NSUN6: variants seen among roughly 807,000 people sequenced by gnomAD.
NSUN6 encodes tRNA (cytosine(72)-C(5))-methyltransferase NSUN6.
In NSUN6, 64 loss-of-function variants were observed where a neutral mutation model predicts 58.0. That is an observed-to-expected ratio of 1.10 (90% CI 0.90 to 1.36). NSUN6 has a LOEUF of 1.36. NSUN6 is among the 40% of genes most tolerant of loss of function. NSUN6 has a pLI of 0.00. For synonymous variants in NSUN6, 231 were observed against 193.9 expected (o/e 1.19, Z -1.59); for missense variants, 701 against 550.1 (o/e 1.27, Z -2.74).
At chr10:18,569,100 C>T (rs1314463442) in intron 8 of NSUN6, among the ~76,000 whole-genome samples, 3 of 151,130 alleles carry the variant, frequency 2.0e-5, no homozygotes, top group Non-Finnish European at 4.4e-5. Context: ...TTCCACATTC[C>T]ATTCCATTCT....
intron 8 of NSUN6, among the ~76,000 whole-genome samples, chr10:18,560,030 G>C (rs2055364984): frequency 6.7e-6 from 1 of 149,558 alleles, no homozygotes; most frequent in Non-Finnish European, 1.5e-5. Flanking sequence ...ATGGAATGGA[G>C]ATTGAGCTGG....
chr10:18,574,399 C>T lies in NSUN6; in HGVS notation c.922+11550G>A, dbSNP rs564382861. Among the ~76,000 whole-genome samples, 25 of 152,124 alleles carry T rather than the reference C, an allele frequency of 1.6e-4. 2 individuals carry two copies. The South Asian group carries it at 4.6e-3, about 28-fold the overall frequency. ...CATAGACCACCGAAAATTCACTCAACCCAGCAGGTTTCCTAACAGGAAATC... is the reference window on the plus strand; with the variant it reads ...CATAGACCACCGAAAATTCACTCAATCCAGCAGGTTTCCTAACAGGAAATC... On this transcript the variant is annotated intron_variant, in intron 8 of 10. Transcript: ENST00000377304.
intron 6 of NSUN6, among the ~76,000 whole-genome samples, chr10:18,600,032 G>A (rs1329476521): frequency 1.3e-5 from 2 of 152,104 alleles, no homozygotes; most frequent in Non-Finnish European, 2.9e-5. Flanking sequence ...ACTTTACAAA[G>A]TATCTTTGGG....
intron 5 of NSUN6, among the ~76,000 whole-genome samples, chr10:18,613,065 A>C (rs371512546): frequency 2.6e-5 from 4 of 152,168 alleles, no homozygotes; most frequent in African/African-American, 9.7e-5. Flanking sequence ...AAAACTTCCA[A>C]CAGTATAACT....
rs377258585 is a variant in NSUN6 at position 18,615,666 on chromosome 10, C to T, written c.421+518G>A. Among the ~76,000 whole-genome samples the T allele has an allele frequency of 9.2e-5, 14 of 152,282 alleles. No individual in the cohort carries two copies. In the East Asian group the frequency reaches 1.2e-3, roughly 13 times the overall value. On this transcript the variant is annotated intron_variant, in intron 4 of 10. Coordinates refer to ENST00000377304, the MANE Select transcript of NSUN6 (RefSeq NM_182543.5). ...GGACACCATAACTGAGGCCCAGAGA[C>T]GGAATACGTTTTCTACAGATGAAAG...
At chr10:18,556,693 G>C (rs951313902) in intron 8 of NSUN6, among the ~76,000 whole-genome samples, 1 of 151,460 alleles carries the variant, frequency 6.6e-6, no homozygotes, top group Non-Finnish European at 1.5e-5. Context: ...AATGCGAATG[G>C]AATGGAAAGG....
rs576537592 is a variant in NSUN6 at position 18,552,616 on chromosome 10, T to G, written c.923-645A>C. Among the ~76,000 whole-genome samples the G allele has an allele frequency of 4.2e-4, 64 of 151,364 alleles. No individual in the cohort carries two copies. The Middle Eastern group carries it at 0.01, about 24-fold the overall frequency. ...CCTGCTACCAAGATTTCCATTCCAT[T>G]CCGCATTCCATTTCATTCCGCATTC... On this transcript the variant is annotated intron_variant, in intron 8 of 10. Transcript: ENST00000377304.
At chr10:18,585,897 G>A (rs2057112703) in intron 8 of NSUN6, 52 bp downstream of exon 8, 1 of 1,369,106 alleles carries the variant, frequency 7.3e-7, no homozygotes, top group East Asian at 2.3e-5. Context: ...CACACTGTAT[G>A]CCACAAATAT....
At chr10:18,601,263 G>GT (rs2057828108) in intron 6 of NSUN6, among the ~76,000 whole-genome samples, 1 of 151,914 alleles carries the variant, frequency 6.6e-6, no homozygotes, top group Admixed American at 6.6e-5. Context: ...CATGATTTGA[G>GT]TATCTTTTTC....
intron 3 of NSUN6, among the ~76,000 whole-genome samples, chr10:18,616,960 C>T (rs1473106409): frequency 6.6e-6 from 1 of 152,030 alleles, no homozygotes; most frequent in African/African-American, 2.4e-5. Flanking sequence ...ATTCCATGAT[C>T]GCCAATTCAT....
intron 3 of NSUN6, among the ~76,000 whole-genome samples, chr10:18,629,404 A>C (rs1449890612): frequency 6.6e-6 from 1 of 151,846 alleles, no homozygotes; most frequent in Non-Finnish European, 1.5e-5. Flanking sequence ...ACACATAACA[A>C]TATTAACTTT....
At position 18,648,603 on chromosome 10, in the gene NSUN6, C is replaced by T. The variant is rs138645480; in HGVS notation, c.118G>A (p.Glu40Lys). Residue 40 changes from glutamate to lysine, a missense_variant, in exon 2 of 11, where the codon GAA becomes AAA. Glu to Lys is a moderately conservative substitution (Grantham distance 56, BLOSUM62 1). Transcript: ENST00000377304. ...TGTGACAGGTGCTTTAACAAAGTTT[C>T]AAACTTCCTTTCTGCTTCTTGTTTA... ...LGKQEAERKF[E>K]TLLKHLSHPP... 185 of 1,607,992 alleles carry T rather than the reference C, an allele frequency of 1.2e-4. 1 individual carries two copies. Among genetic ancestry groups the T allele is most frequent in the South Asian group, 4.6e-4 (42 of 90,880 alleles).
intron 8 of NSUN6, among the ~76,000 whole-genome samples, chr10:18,582,617 A>G (rs2056955914): frequency 6.6e-6 from 1 of 152,198 alleles, no homozygotes; most frequent in Non-Finnish European, 1.5e-5. Flanking sequence ...ATGGTGGGGC[A>G]ACTTATGTCC....
chr10:18,613,090 TA>T (rs2058293453), intron 5 of NSUN6, among the ~76,000 whole-genome samples: 1 of 152,188 alleles, frequency 6.6e-6, no homozygotes, highest in Non-Finnish European at 1.5e-5. Context: ...AAATTGAGTT[TA>T]AAAACCAATT....
chr10:18,641,183 A>C (rs2059381568), intron 3 of NSUN6, among the ~76,000 whole-genome samples: 1 of 152,104 alleles, frequency 6.6e-6, no homozygotes, highest in African/African-American at 2.4e-5. Flanking sequence ...TAGTTTATTA[A>C]ACCACTGCTC....
chr10:18,622,652 T>G (rs544507674), intron 3 of NSUN6, among the ~76,000 whole-genome samples: 11 of 152,172 alleles, frequency 7.2e-5, no homozygotes, highest in African/African-American at 2.7e-4. Flanking sequence ...GAAGTTGCAG[T>G]GAGCAGAGAT....
At chr10:18,579,401 ACGT>A (rs1268009850) in intron 8 of NSUN6, among the ~76,000 whole-genome samples, 1 of 149,912 alleles carries the variant, frequency 6.7e-6, no homozygotes, top group East Asian at 2.0e-4. Context: ...TGATCTCCTG[ACGT>A]CGTGATCCAC....
At chr10:18,568,195 C>T (rs1564732757) in intron 8 of NSUN6, among the ~76,000 whole-genome samples, 1 of 150,142 alleles carries the variant, frequency 6.7e-6, no homozygotes, top group Non-Finnish European at 1.5e-5. Context: ...CTCCATTCCA[C>T]AAAATTCACC....
intron 6 of NSUN6, among the ~76,000 whole-genome samples, chr10:18,605,034 C>T (rs2057997929): frequency 2.0e-5 from 3 of 151,430 alleles, no homozygotes; most frequent in African/African-American, 4.8e-5. Context: ...TATAGGCGTC[C>T]GCCACCACGC....
Sources: gnomAD v4.1 joint callset for allele counts (sites outside exome capture counted in the v4.1 genomes callset) on GRCh38, gnomAD v4.1.1 for gene constraint, MANE v1.5 for transcripts, NCBI Gene and HGNC (gene_info 2026-07-23, HGNC 2026-07-21) for gene names.